CAMK4: variants seen among roughly 807,000 people sequenced by gnomAD.
The protein encoded by CAMK4 is calcium/calmodulin-dependent protein kinase type IV.
CAMK4 carries 22 observed loss-of-function variants against 44.9 expected under a neutral mutation model. The observed-to-expected ratio is 0.49, with a 90% CI of 0.35 to 0.70. CAMK4 has a LOEUF of 0.70. Among genes scored for constraint, CAMK4 ranks in the 30% least tolerant of loss-of-function variants. The pLI is 0.01. For missense variants in CAMK4, 498 were observed against 586.8 expected (o/e 0.85, Z 1.56); for synonymous variants, 218 against 215.4 (o/e 1.01, Z -0.11).
intron 1 of CAMK4, among the ~76,000 whole-genome samples, chr5:111,312,110 T>A (rs368553776): frequency 3.9e-5 from 6 of 152,312 alleles, no homozygotes; most frequent in African/African-American, 1.4e-4. Context: ...TTATTCATTC[T>A]AAGAAATAAC....
chr5:111,267,620 C>T (rs914683577), intron 1 of CAMK4, among the ~76,000 whole-genome samples: 8 of 142,214 alleles, frequency 5.6e-5, no homozygotes, highest in African/African-American at 1.8e-4. Flanking sequence ...AGGAGAATGG[C>T]GTGAACCCGG....
intron 8 of CAMK4, 68 bp downstream of exon 8, chr5:111,473,454 A>G (rs1050764929): frequency 4.1e-6 from 4 of 977,566 alleles, no homozygotes; most frequent in South Asian, 1.4e-5. Flanking sequence ...GATACCTCTA[A>G]TGCTCATAAA....
chr5:111,368,022 A>T (rs1460395157), intron 2 of CAMK4, among the ~76,000 whole-genome samples: 4 of 152,048 alleles, frequency 2.6e-5, no homozygotes, highest in Non-Finnish European at 5.9e-5. Flanking sequence ...TAAAGCACGG[A>T]ATGTTGATCC....
chr5:111,449,330 A>C (rs1348951507), intron 7 of CAMK4, 127 bp downstream of exon 7: 3 of 512,926 alleles, frequency 5.8e-6, no homozygotes, highest in East Asian at 3.3e-5. Flanking sequence ...GCAAATCTCT[A>C]TGAGGAAGGC....
At chr5:111,387,960 TGAG>T (rs1751664266) in intron 4 of CAMK4, among the ~76,000 whole-genome samples, 1 of 152,224 alleles carries the variant, frequency 6.6e-6, no homozygotes, top group Non-Finnish European at 1.5e-5. Flanking sequence ...ATTTATGACT[TGAG>T]TTCATTGCTA....
chr5:111,350,885 G>A (rs992657898), intron 2 of CAMK4, among the ~76,000 whole-genome samples: 2 of 151,948 alleles, frequency 1.3e-5, no homozygotes, highest in Non-Finnish European at 2.9e-5. Flanking sequence ...TTATGAGTTA[G>A]CATTTGAGTA....
intron 1 of CAMK4, among the ~76,000 whole-genome samples, chr5:111,280,110 T>C (rs953255495): frequency 6.6e-6 from 1 of 152,230 alleles, no homozygotes; most frequent in Non-Finnish European, 1.5e-5. Flanking sequence ...AACGTGAATA[T>C]CTTCTAAAAT....
chr5:111,380,424 G>A (rs1561451404), intron 4 of CAMK4, among the ~76,000 whole-genome samples: 2 of 151,892 alleles, frequency 1.3e-5, no homozygotes, highest in South Asian at 2.1e-4. Context: ...GTGTCATGGC[G>A]ATTTGTTGTA....
rs1755739287 is a variant in CAMK4, at chr5:111,489,442, C to A, written c.*4976C>A. 1 of 152,180 alleles carries A rather than the reference C, an allele frequency of 6.6e-6. No homozygotes were observed. The highest frequency in any genetic ancestry group is 1.5e-5 in the Non-Finnish European group (1 of 68,030). The allele number at this position is 152,180 out of a possible 1,614,324, so 9.4% of individuals were successfully genotyped here. A position where few individuals can be genotyped will look rare whatever the true frequency, so the allele number is the denominator to read the frequency against. ...AAAGCTTGGCCATGTCTATACTTATCTTGGAGAGCAATAACAAACTTGATT... is the reference window on the plus strand; with the variant it reads ...AAAGCTTGGCCATGTCTATACTTATATTGGAGAGCAATAACAAACTTGATT... On this transcript the variant is annotated 3_prime_UTR_variant, in exon 11 of 11. Transcript: ENST00000282356.
At chr5:111,403,464 G>A (rs1253897429) in intron 5 of CAMK4, among the ~76,000 whole-genome samples, 1 of 152,100 alleles carries the variant, frequency 6.6e-6, no homozygotes, top group Non-Finnish European at 1.5e-5. Context: ...ATCTTTGGAG[G>A]ATAGATTTTA....
chr5:111,251,900 T>C (rs993708865), intron 1 of CAMK4, among the ~76,000 whole-genome samples: 5 of 152,190 alleles, frequency 3.3e-5, no homozygotes, highest in African/African-American at 1.2e-4. Flanking sequence ...CTGACTTTTT[T>C]TTTTAACCAG....
intron 5 of CAMK4, among the ~76,000 whole-genome samples, chr5:111,444,989 T>C (rs918680513): frequency 6.6e-6 from 1 of 152,188 alleles, no homozygotes; most frequent in African/African-American, 2.4e-5. Context: ...GCATACATTG[T>C]TTGTGTGAGT....
chr5:111,354,190 C>G (rs1215709205), intron 2 of CAMK4, among the ~76,000 whole-genome samples: 4 of 151,894 alleles, frequency 2.6e-5, no homozygotes, highest in African/African-American at 9.7e-5. Context: ...GACACAAAGT[C>G]AAATACTGGA....
chr5:111,355,830 A>G (rs1242093559), intron 2 of CAMK4, among the ~76,000 whole-genome samples: 2 of 147,056 alleles, frequency 1.4e-5, no homozygotes, highest in Non-Finnish European at 3.0e-5. Context: ...AAGGACATGA[A>G]CTCATCATTT....
In CAMK4 at chr5:111,329,973, A is replaced by G. The variant is rs188130017; in HGVS notation, c.162-14051A>G. 8.6e-5 allele frequency among the ~76,000 whole-genome samples: 13 copies of G among 151,818 alleles called. No individual in the cohort carries two copies. The East Asian group carries it at 2.0e-3, about 23-fold the overall frequency. ...GCTCCCACTACTTCAATAGAATATT[A>G]TATTTGAGGTCCAAGCTAGTGCAAT... On this transcript the variant is annotated intron_variant, in intron 1 of 10. Coordinates refer to ENST00000282356, the MANE Select transcript of CAMK4 (RefSeq NM_001744.6).
intron 5 of CAMK4, among the ~76,000 whole-genome samples, chr5:111,410,171 A>G (rs927864573): frequency 1.3e-5 from 2 of 152,214 alleles, no homozygotes; most frequent in Admixed American, 1.3e-4. Flanking sequence ...TGATAATGAC[A>G]TACCTGAAAC....
intron 1 of CAMK4, among the ~76,000 whole-genome samples, chr5:111,338,042 G>C (rs1749482121): frequency 6.6e-6 from 1 of 151,016 alleles, no homozygotes; most frequent in African/African-American, 2.4e-5. Context: ...TGATGCTGTG[G>C]ATCTTTGCAT....
At chr5:111,401,460 T>C (rs1752222989) in intron 5 of CAMK4, among the ~76,000 whole-genome samples, 1 of 152,106 alleles carries the variant, frequency 6.6e-6, no homozygotes, top group African/African-American at 2.4e-5. Flanking sequence ...TTAAAGACTG[T>C]GATGATGGTG....
chr5:111,333,114 A>G (rs1009454708), intron 1 of CAMK4, among the ~76,000 whole-genome samples: 2 of 151,700 alleles, frequency 1.3e-5, no homozygotes, highest in Non-Finnish European at 3.0e-5. Context: ...ATTGCTTATT[A>G]ATATTAAGCA....
Sources: gnomAD v4.1 joint callset for allele counts (sites outside exome capture counted in the v4.1 genomes callset) on GRCh38, gnomAD v4.1.1 for gene constraint, MANE v1.5 for transcripts, NCBI Gene and HGNC (gene_info 2026-07-23, HGNC 2026-07-21) for gene names.